The following TOX3 variants were observed in gnomAD, a reference collection of about 807,000 sequenced individuals.
TOX3 encodes the protein CAG trinucleotide repeat-containing gene F9 protein.
In TOX3, 22 loss-of-function variants were observed where a neutral mutation model predicts 64.3. The observed-to-expected ratio is 0.34, with a 90% CI of 0.24 to 0.49. TOX3 has a LOEUF of 0.49. Ranked by LOEUF, TOX3 falls within the 20% of genes least tolerant of loss-of-function variation. The probability of loss-of-function intolerance (pLI) is 0.99; values close to 1 mark genes in which losing one functional copy is unlikely to be tolerated. For synonymous variants in TOX3, 291 were observed against 273.6 expected, an observed-to-expected ratio of 1.06 and a Z score of -0.63; for missense variants, 661 against 714.4, an observed-to-expected ratio of 0.93 and a Z score of 0.85.
chr16:52,537,306 C>G (rs1042804927), intron 1 of TOX3, among the ~76,000 whole-genome samples: 3 of 152,140 alleles, frequency 2.0e-5, no homozygotes, highest in African/African-American at 7.2e-5. Context: ...CCACATCTCC[C>G]ACCATGGAAA....
chr16:52,515,515 C>A (rs536426413), intron 1 of TOX3, among the ~76,000 whole-genome samples: 12 of 152,174 alleles, frequency 7.9e-5, no homozygotes, highest in Non-Finnish European at 1.5e-4. Flanking sequence ...GGAAGCTGGG[C>A]GGTTTGTGTT....
chr16:52,450,178 C>A, intron 4 of TOX3, 99 bp downstream of exon 4: 1 of 1,419,582 alleles, frequency 7.0e-7, no homozygotes, highest in Non-Finnish European at 9.7e-7. Flanking sequence ...ACTCCAAATC[C>A]ATGAAGACAA....
At chr16:52,455,900 A>G (rs1960502027) in intron 3 of TOX3, among the ~76,000 whole-genome samples, 1 of 152,198 alleles carries the variant, frequency 6.6e-6, no homozygotes, top group African/African-American at 2.4e-5. Flanking sequence ...TGGGGAAATC[A>G]TGGGATGCTT....
intron 1 of TOX3, among the ~76,000 whole-genome samples, chr16:52,545,158 A>G (rs1156265374): frequency 1.3e-5 from 2 of 152,246 alleles, no homozygotes; most frequent in Non-Finnish European, 2.9e-5. Context: ...ATCAGAGGAC[A>G]CAAACTAATC....
intron 1 of TOX3, among the ~76,000 whole-genome samples, chr16:52,537,788 TCC>T (rs890571565): frequency 3.3e-5 from 5 of 149,492 alleles, no homozygotes; most frequent in African/African-American, 9.9e-5. Flanking sequence ...AAAGAATCTC[TCC>T]CTCTTGAAGA....
At chr16:52,509,788 C>G (rs1962254135) in intron 1 of TOX3, among the ~76,000 whole-genome samples, 1 of 152,170 alleles carries the variant, frequency 6.6e-6, no homozygotes, top group Non-Finnish European at 1.5e-5. Flanking sequence ...TTAAAACAAA[C>G]AGGCTTACAG....
At chr16:52,546,577 G>T in intron 1 of TOX3, 60 bp downstream of exon 1, 2 of 1,474,836 alleles carry the variant, frequency 1.4e-6, no homozygotes, top group Non-Finnish European at 9.1e-7. Context: ...CCGAGCGCGG[G>T]GCGCGCCCAG....
rs200173557 is a variant in TOX3 at position 52,444,499 on chromosome 16, G to GCACACACACACACACACACA, written c.907-163_907-144dup. ...CTTTGATTTTTAAATGTTAGCGCAT[G>GCACACACACACACACACACA]CACACACACACACACACACACACAC... On this transcript the variant is annotated intron_variant, in intron 5 of 6. Transcript: ENST00000219746. 4 of 363,102 alleles carry GCACACACACACACACACACA rather than the reference G, an allele frequency of 1.1e-5. No individual in the cohort carries two copies. In the Admixed American group the frequency reaches 1.3e-4, roughly 12 times the overall value. 22.5% of individuals were successfully genotyped at this position (363,102 alleles called of 1,614,324 possible).
At chr16:52,509,214 G>C (rs1280558643) in intron 1 of TOX3, among the ~76,000 whole-genome samples, 1 of 152,096 alleles carries the variant, frequency 6.6e-6, no homozygotes, top group Non-Finnish European at 1.5e-5. Context: ...TCATTACAAA[G>C]AACATCTAAA....
At chr16:52,462,861 A>G (rs1596792481) in intron 3 of TOX3, among the ~76,000 whole-genome samples, 1 of 152,264 alleles carries the variant, frequency 6.6e-6, no homozygotes, top group South Asian at 2.1e-4. Flanking sequence ...AAAGTAAAAA[A>G]TAAAAACCCT....
At position 52,438,418 on chromosome 16, in the gene TOX3, A is replaced by C. The variant is rs1373859142; in HGVS notation, c.*807T>G. The C allele has an allele frequency of 1.3e-5, 2 of 152,694 alleles. No homozygotes were observed. The highest frequency in any genetic ancestry group is 4.8e-5 in the African/African-American group (2 of 41,466). The allele number at this position is 152,694 out of a possible 1,614,324, so 9.5% of individuals were successfully genotyped here. On this transcript the variant is annotated 3_prime_UTR_variant, in exon 7 of 7. Transcript: ENST00000219746. ...TTTTTAAATCTTAACTTTTGTAATA[A>C]CTGTTTTCATTTAAGTGCATTTCCC...
intron 1 of TOX3, among the ~76,000 whole-genome samples, chr16:52,482,583 T>C (rs570659200): frequency 1.3e-5 from 2 of 152,286 alleles, no homozygotes; most frequent in South Asian, 2.1e-4. Flanking sequence ...ATATACTATC[T>C]AAATATTTAT....
chr16:52,524,818 C>T (rs1214845237), intron 1 of TOX3, among the ~76,000 whole-genome samples: 1 of 152,118 alleles, frequency 6.6e-6, no homozygotes, highest in Non-Finnish European at 1.5e-5. Context: ...TCTGGGTCTC[C>T]TTTCTGAGAA....
At chr16:52,451,645 G>T (rs1960352366) in intron 3 of TOX3, among the ~76,000 whole-genome samples, 1 of 151,998 alleles carries the variant, frequency 6.6e-6, no homozygotes, top group Non-Finnish European at 1.5e-5. Flanking sequence ...TTCCGATAAG[G>T]CTTATTTTTG....
intron 3 of TOX3, among the ~76,000 whole-genome samples, chr16:52,452,872 A>G (rs776161295): frequency 8.5e-5 from 13 of 152,232 alleles, no homozygotes; most frequent in Non-Finnish European, 1.9e-4. Flanking sequence ...TGTCACAAGT[A>G]TCAGAACACC....
Position 52,446,089 on chromosome 16 carries a change from C to T in TOX3, c.811G>A (p.Ala271Thr). 1 of 1,613,920 alleles carries T rather than the reference C, an allele frequency of 6.2e-7. No individual in the cohort carries two copies. Among genetic ancestry groups the T allele is most frequent in the Non-Finnish European group, 8.5e-7 (1 of 1,179,846 alleles). ...AYALFFRDTQ[A>T]AIKGQNPNAT... ...TTGGGGTTTTGACCTTTAATTGCAG[C>T]CTGTGTGTCTCTGAAAAACAGGGCA... Residue 271 changes from alanine (A) to threonine (T), a missense_variant, in exon 5 of 7, where the codon GCT becomes ACT. Coordinates refer to ENST00000219746, the MANE Select transcript of TOX3 (RefSeq NM_001080430.4).
chr16:52,439,177 C>G lies in TOX3; in HGVS notation c.*48G>C, dbSNP rs774779751. 1 of 1,612,016 alleles carries G rather than the reference C, an allele frequency of 6.2e-7. No homozygotes were observed. The highest frequency in any genetic ancestry group is 8.5e-7 in the Non-Finnish European group (1 of 1,179,102). ...TTTCAGCCACATATGCTTTTCCCTC[C>G]TATGCCACTCTCCTTGGTATACGCA... On this transcript the variant is annotated 3_prime_UTR_variant, in exon 7 of 7. Coordinates refer to ENST00000219746, the MANE Select transcript of TOX3 (RefSeq NM_001080430.4).
At chr16:52,466,071 A>C (rs1306129360) in intron 2 of TOX3, among the ~76,000 whole-genome samples, 1 of 152,198 alleles carries the variant, frequency 6.6e-6, no homozygotes, top group African/African-American at 2.4e-5. Context: ...TTTGGCACTA[A>C]TATGGTCTAG....
rs530339264 is a variant in TOX3, at chr16:52,446,910, G to A, written c.679-689C>T. Among the ~76,000 whole-genome samples, 27 of 152,182 alleles carry A rather than the reference G, an allele frequency of 1.8e-4. No individual in the cohort carries two copies. The South Asian group carries it at 2.3e-3, about 13-fold the overall frequency. On this transcript the variant is annotated intron_variant, in intron 4 of 6. Transcript: ENST00000219746. ...TGATACTCTCCGTAAAATTAAAAAC[G>A]TGTAAAAAAAAGAGCAATAGTTGAT...
Sources: gnomAD v4.1 joint callset for allele counts (sites outside exome capture counted in the v4.1 genomes callset) on GRCh38, gnomAD v4.1.1 for gene constraint, MANE v1.5 for transcripts, NCBI Gene and HGNC (gene_info 2026-07-23, HGNC 2026-07-21) for gene names.